LUC7L3: variants seen among roughly 807,000 people sequenced by gnomAD.
The protein encoded by LUC7L3 is LUC7 like 3 pre-mRNA splicing factor.
Under a neutral mutation model 66.8 loss-of-function variants are expected in LUC7L3, and 6 were observed. That is an observed-to-expected ratio of 0.09 (90% CI 0.05 to 0.18). LUC7L3 has a LOEUF of 0.18. LUC7L3 is among the 10% of genes least tolerant of loss of function. The pLI, the probability that LUC7L3 is intolerant of heterozygous loss-of-function variation, is 1.00. For missense variants in LUC7L3, 341 were observed against 531.1 expected, an observed-to-expected ratio of 0.64 and a Z score of 3.52; for synonymous variants, 160 against 174.7, an observed-to-expected ratio of 0.92 and a Z score of 0.66.
In LUC7L3 at chr17:50,753,135, G is replaced by A. The variant is rs1232381751; in HGVS notation, c.*2474G>A. 3 of 152,104 alleles carry A rather than the reference G, an allele frequency of 2.0e-5. No individual in the cohort carries two copies. The highest frequency in any genetic ancestry group is 1.3e-4 in the Admixed American group (2 of 15,268). The allele number at this position is 152,104 out of a possible 1,614,324, so 9.4% of individuals were successfully genotyped here. A position where few individuals can be genotyped will look rare whatever the true frequency, so the allele number is the denominator to read the frequency against. On this transcript the variant is annotated 3_prime_UTR_variant, in exon 10 of 10. Coordinates refer to ENST00000505658, the MANE Select transcript of LUC7L3 (RefSeq NM_016424.5). ...TCCCCCCACTTAAGTGATTATTTTT[G>A]TGTCACATCTAGGAAAACCGGCAGC...
At position 50,754,640 on chromosome 17, in the gene LUC7L3, T is replaced by TA. The variant is rs1971078156; in HGVS notation, c.*3983dup. On this transcript the variant is annotated 3_prime_UTR_variant, in exon 10 of 10. Coordinates refer to ENST00000505658, the MANE Select transcript of LUC7L3 (RefSeq NM_016424.5). ...TAATACATATCATGCTCCTTTTTGTTAAAACGTTTTTTTTTCCCCTTCAAA... is the reference window on the plus strand; with the variant it reads ...TAATACATATCATGCTCCTTTTTGTTAAAAACGTTTTTTTTTCCCCTTCAAA... The TA allele has an allele frequency of 6.6e-6, 1 of 152,176 alleles. No homozygotes were observed. Among genetic ancestry groups the TA allele is most frequent in the African/African-American group, 2.4e-5 (1 of 41,444 alleles). The allele number at this position is 152,176 out of a possible 1,614,324, so 9.4% of individuals were successfully genotyped here. A position where few individuals can be genotyped will look rare whatever the true frequency, so the allele number is the denominator to read the frequency against.
chr17:50,723,625 GA>G (rs950612440), intron 1 of LUC7L3: 5 of 174,122 alleles, frequency 2.9e-5, no homozygotes, highest in Non-Finnish European at 6.2e-5. Flanking sequence ...GAGTAAGATA[GA>G]AAAGCATTTT....
intron 1 of LUC7L3, among the ~76,000 whole-genome samples, chr17:50,724,917 A>G (rs1597888610): frequency 1.3e-5 from 2 of 151,920 alleles, no homozygotes; most frequent in Admixed American, 1.3e-4. Flanking sequence ...GCATGCCACC[A>G]TGCCTGACTA....
At position 50,745,740 on chromosome 17, in the gene LUC7L3, C is replaced by T. The variant is rs773610167; in HGVS notation, c.714C>T (p.Thr238=). The change falls in exon 8 of 10, where the codon ACC becomes ACT. Residue 238 remains threonine (T), a synonymous_variant. Coordinates refer to ENST00000505658, the MANE Select transcript of LUC7L3 (RefSeq NM_016424.5). ...EELKEKLRKR[T]EEPDRDERLK... is the part of the protein sequence containing the mutation. The stretch of plus-strand genomic sequence containing the variant: ...TCTAGGAAAAGTTAAGGAAAAGAAC[C>T]GAAGAACCTGATCGTGATGAGCGTC... 1.1e-5 allele frequency: 17 copies of T among 1,576,752 alleles called. No individual in the cohort carries two copies. Among genetic ancestry groups the T allele is most frequent in the African/African-American group, 4.2e-5 (3 of 71,902 alleles).
intron 1 of LUC7L3, among the ~76,000 whole-genome samples, chr17:50,721,645 C>T (rs570706381): frequency 1.3e-5 from 2 of 152,166 alleles, no homozygotes; most frequent in Non-Finnish European, 2.9e-5. Context: ...AGCACATGGT[C>T]TCATCTAAAT....
chr17:50,737,509 G>T, intron 2 of LUC7L3: 1 of 285,508 alleles, frequency 3.5e-6, no homozygotes, highest in Non-Finnish European at 6.9e-6. Context: ...TGAGTCATGG[G>T]GCTGAAAATG....
At chr17:50,724,010 TGTGTATGTA>T (rs1968984355) in intron 1 of LUC7L3, 2 of 453,018 alleles carry the variant, frequency 4.4e-6, no homozygotes, top group African/African-American at 4.0e-5. Flanking sequence ...ATGTGTTATA[TGTGTATGTA>T]ATTGCTATTT....
chr17:50,745,313 TA>T (rs1027397800), intron 7 of LUC7L3, among the ~76,000 whole-genome samples: 1 of 152,192 alleles, frequency 6.6e-6, no homozygotes, highest in African/African-American at 2.4e-5. Flanking sequence ...TTTTAGCTAT[TA>T]AAAAAATCTA....
chr17:50,745,986 A>G lies in LUC7L3; in HGVS notation c.960A>G (p.Arg320=). 1 of 1,600,992 alleles carries G rather than the reference A, an allele frequency of 6.2e-7. No individual in the cohort carries two copies. Among genetic ancestry groups the G allele is most frequent in the East Asian group, 2.2e-5 (1 of 44,830 alleles). Residue 320 remains arginine (R), a synonymous_variant, in exon 8 of 10, where the codon AGA becomes AGG. Transcript: ENST00000505658. Reference sequence around the variant, plus strand: ...GGGACCACAAAAGGTCACGAAGTAGAGAAAGAAGGCGGAGCAGGTATATAT... The same window carrying G: ...GGGACCACAAAAGGTCACGAAGTAGGGAAAGAAGGCGGAGCAGGTATATAT... ...RSRDHKRSRS[R]ERRRSRSRDR...
chr17:50,729,508 G>A (rs763982992), intron 1 of LUC7L3, among the ~76,000 whole-genome samples: 23 of 151,964 alleles, frequency 1.5e-4, no homozygotes, highest in Admixed American at 1.3e-3. Context: ...AGCTGATCCC[G>A]GCTGCCCAGG....
intron 1 of LUC7L3, among the ~76,000 whole-genome samples, chr17:50,729,942 A>ATG (rs1555607354): frequency 5.5e-4 from 17 of 30,802 alleles, no homozygotes; most frequent in South Asian, 2.0e-3. Flanking sequence ...ATATATATAT[A>ATG]TATGTATGTA....
At chr17:50,749,321 A>C in intron 9 of LUC7L3, 1 of 1,289,346 alleles carries the variant, frequency 7.8e-7, no homozygotes, top group Non-Finnish European at 1.0e-6. Context: ...CCCATAAGGC[A>C]CAAAGGGAGG....
intron 6 of LUC7L3, among the ~76,000 whole-genome samples, chr17:50,744,067 C>T (rs933016786): frequency 1.3e-4 from 20 of 152,146 alleles, no homozygotes; most frequent in African/African-American, 4.8e-4. Context: ...CCAATCACTG[C>T]CTTAAACCAT....
chr17:50,732,822 C>A (rs1369112573), intron 1 of LUC7L3, among the ~76,000 whole-genome samples: 2 of 152,190 alleles, frequency 1.3e-5, no homozygotes, highest in Admixed American at 6.5e-5. Flanking sequence ...CTGCCACCTC[C>A]ACCTTTGAGG....
intron 2 of LUC7L3, 23 bp from the exon 3 acceptor site, chr17:50,740,283 T>C: frequency 2.6e-6 from 4 of 1,545,536 alleles, no homozygotes; most frequent in Non-Finnish European, 3.5e-6. Flanking sequence ...AGATAATTTA[T>C]ACAATTATAT....
At chr17:50,732,071 A>G (rs1196269930) in intron 1 of LUC7L3, among the ~76,000 whole-genome samples, 1 of 152,176 alleles carries the variant, frequency 6.6e-6, no homozygotes, top group Non-Finnish European at 1.5e-5. Flanking sequence ...TGCCATAGGG[A>G]AAGGGTATCT....
At chr17:50,731,230 G>A (rs1338835396) in intron 1 of LUC7L3, among the ~76,000 whole-genome samples, 1 of 152,126 alleles carries the variant, frequency 6.6e-6, no homozygotes, top group African/African-American at 2.4e-5. Context: ...GTATAGTGGT[G>A]CGATCTCAGC....
rs913152548 is a variant in LUC7L3, at chr17:50,755,463, T to A, written c.*4802T>A. Reference sequence around the variant, plus strand: ...CACTTTTAAGTTGAACCTGTAGTTTTAAAAAGTACATTTCAAGTAAGCCAA... The same window carrying A: ...CACTTTTAAGTTGAACCTGTAGTTTAAAAAAGTACATTTCAAGTAAGCCAA... On this transcript the variant is annotated 3_prime_UTR_variant, in exon 10 of 10. Coordinates refer to ENST00000505658, the MANE Select transcript of LUC7L3 (RefSeq NM_016424.5). 5.3e-5 allele frequency: 8 copies of A among 152,288 alleles called. No individual in the cohort carries two copies. The highest frequency in any genetic ancestry group is 1.7e-4 in the African/African-American group (7 of 41,484). The allele number at this position is 152,288 out of a possible 1,614,324, so 9.4% of individuals were successfully genotyped here. A position where few individuals can be genotyped will look rare whatever the true frequency, so the allele number is the denominator to read the frequency against.
intron 1 of LUC7L3, chr17:50,722,214 T>TTTTTTTTA (rs1968824250): frequency 6.9e-6 from 1 of 145,784 alleles, no homozygotes; most frequent in South Asian, 2.2e-4. Flanking sequence ...TTTTTTTTTT[T>TTTTTTTTA]TGAGACGGCG....
Sources: allele counts gnomAD v4.1 joint callset (sites outside exome capture counted in the v4.1 genomes callset), GRCh38; gene constraint gnomAD v4.1.1; transcripts MANE v1.5; gene names NCBI Gene and HGNC (gene_info 2026-07-23, HGNC 2026-07-21).